Variants in DLGAP2 observed in about 807,000 individuals in gnomAD.
DLGAP2 encodes the protein disks large-associated protein 2.
A neutral mutation model predicts 100.3 loss-of-function variants in DLGAP2; 26 were observed. That is an observed-to-expected ratio of 0.26 (90% CI 0.19 to 0.36). The LOEUF is 0.36. Ranked by LOEUF, DLGAP2 falls within the 10% of genes least tolerant of loss-of-function variation. The pLI, the probability that DLGAP2 is intolerant of heterozygous loss-of-function variation, is 1.00. For missense variants in DLGAP2, 1,858 were observed against 1,453.2 expected (o/e 1.28, Z -4.53); for synonymous variants, 886 against 630.1 (o/e 1.41, Z -6.08).
At chr8:1,086,729 G>A (rs113023241) in intron 2 of DLGAP2, among the ~76,000 whole-genome samples, 15 of 152,072 alleles carry the variant, frequency 9.9e-5, no homozygotes, top group Non-Finnish European at 1.8e-4. Context: ...ATATATGTGC[G>A]CCCAACAATG....
intron 3 of DLGAP2, among the ~76,000 whole-genome samples, chr8:1,337,254 T>C (rs1337306890): frequency 1.7e-5 from 2 of 117,826 alleles, no homozygotes; most frequent in Admixed American, 1.7e-4. Context: ...ATGGTGATGA[T>C]GGTGGTGATG....
At chr8:1,301,379 C>T (rs551778303) in intron 3 of DLGAP2, 4 of 152,336 alleles carry the variant, frequency 2.6e-5, no homozygotes, top group African/African-American at 9.6e-5. Context: ...CTCATCTCTG[C>T]TGCAAGTTCT....
chr8:1,408,172 A>T (rs1170357098), intron 3 of DLGAP2, among the ~76,000 whole-genome samples: 1 of 152,180 alleles, frequency 6.6e-6, no homozygotes, highest in East Asian at 1.9e-4. Context: ...TCCAGCTAGC[A>T]TTTTATTCCC....
At position 1,185,099 on chromosome 8, in the gene DLGAP2, G is replaced by A. The variant is rs895432846; in HGVS notation, c.74-73752G>A. Among the ~76,000 whole-genome samples the A allele has an allele frequency of 2.0e-5, 3 of 152,116 alleles. No homozygotes were observed. The East Asian group carries it at 5.8e-4, about 29-fold the overall frequency. On this transcript the variant is annotated intron_variant, in intron 2 of 14. Coordinates refer to ENST00000637795, the MANE Select transcript of DLGAP2 (RefSeq NM_001346810.2). ...GTTCTGCGTCTTGCGGCCTCTCTTGGGGTGTTGGGGCAGAGGAGCACCCTG... is the reference window on the plus strand; with the variant it reads ...GTTCTGCGTCTTGCGGCCTCTCTTGAGGTGTTGGGGCAGAGGAGCACCCTG...
intron 3 of DLGAP2, among the ~76,000 whole-genome samples, chr8:1,417,024 C>T (rs1013605984): frequency 4.2e-5 from 5 of 119,122 alleles, no homozygotes; most frequent in African/African-American, 1.0e-4. Flanking sequence ...CTCCTCCGAG[C>T]AGCCGTCAGC....
At chr8:1,371,403 C>T (rs1396937133) in intron 3 of DLGAP2, among the ~76,000 whole-genome samples, 3 of 152,286 alleles carry the variant, frequency 2.0e-5, no homozygotes, top group Middle Eastern at 3.4e-3. Context: ...AGAAGTCAGG[C>T]GTGGTTCCTG....
At position 1,603,732 on chromosome 8, in the gene DLGAP2, G is replaced by A. The variant is rs559547920; in HGVS notation, c.1443-23008G>A. 9.0e-4 allele frequency among the ~76,000 whole-genome samples: 137 copies of A among 152,230 alleles called. 2 individuals carry two copies. The highest frequency in any genetic ancestry group is 3.2e-3 in the African/African-American group (133 of 41,550). ...GCTCAGCATCCAGCTCATAGTAGTT[G>A]GAACAGTCAGTATTTCTGTCTCAGG... On this transcript the variant is annotated intron_variant, in intron 6 of 14. Coordinates refer to ENST00000637795, the MANE Select transcript of DLGAP2 (RefSeq NM_001346810.2).
chr8:1,202,109 G>A (rs1012376433), intron 2 of DLGAP2, among the ~76,000 whole-genome samples: 13 of 151,868 alleles, frequency 8.6e-5, no homozygotes, highest in African/African-American at 2.7e-4. Context: ...CATGTGTACA[G>A]CATCTGTGTA....
At chr8:1,039,614 AGCTCG>A (rs1802250081) in intron 2 of DLGAP2, among the ~76,000 whole-genome samples, 1 of 50,516 alleles carries the variant, frequency 2.0e-5, no homozygotes. Context: ...GTGCGTGGTC[AGCTCG>A]GTGTGCGTGG....
At chr8:1,028,784 TA>T (rs1300424805) in intron 2 of DLGAP2, among the ~76,000 whole-genome samples, 1 of 152,212 alleles carries the variant, frequency 6.6e-6, no homozygotes, top group Non-Finnish European at 1.5e-5. Flanking sequence ...TGGGATTTTT[TA>T]AAGCTGGAAG....
chr8:1,390,538 G>A (rs1266704295), intron 3 of DLGAP2, among the ~76,000 whole-genome samples: 1 of 152,102 alleles, frequency 6.6e-6, no homozygotes, highest in African/African-American at 2.4e-5. Context: ...ATGACAATCT[G>A]TCGAGCTGTG....
At chr8:1,389,056 G>A (rs980525926) in intron 3 of DLGAP2, among the ~76,000 whole-genome samples, 2 of 149,692 alleles carry the variant, frequency 1.3e-5, no homozygotes, top group South Asian at 4.3e-4. Context: ...AGGGCTGTGA[G>A]AGCAGAGGCC....
At position 885,686 on chromosome 8, in the gene DLGAP2, C is replaced by T. The variant is rs190848263; in HGVS notation, c.19-22226C>T. Among the ~76,000 whole-genome samples the T allele has an allele frequency of 2.6e-5, 4 of 152,274 alleles. No individual in the cohort carries two copies. The East Asian group carries it at 7.7e-4, about 29-fold the overall frequency. Reference sequence around the variant, plus strand: ...GAATAAGAGTGATGAGAGAGGGCCTCCTCGTCTTGTGCTGGTTTTCAGATG... The same window carrying T: ...GAATAAGAGTGATGAGAGAGGGCCTTCTCGTCTTGTGCTGGTTTTCAGATG... On this transcript the variant is annotated intron_variant, in intron 1 of 14. Coordinates refer to ENST00000637795, the MANE Select transcript of DLGAP2 (RefSeq NM_001346810.2).
At chr8:808,599 C>T (rs144555246) in intron 1 of DLGAP2, among the ~76,000 whole-genome samples, 1 of 152,278 alleles carries the variant, frequency 6.6e-6, no homozygotes, top group East Asian at 1.9e-4. Flanking sequence ...TGTGTTTGGG[C>T]ACCCAGGGCG....
intron 3 of DLGAP2, among the ~76,000 whole-genome samples, chr8:1,424,122 G>A (rs1032495275): frequency 1.3e-5 from 2 of 152,220 alleles, no homozygotes; most frequent in African/African-American, 2.4e-5. Context: ...AACTAAAGCG[G>A]GCTCCACATG....
At position 737,649 on chromosome 8, in the gene DLGAP2, C is replaced by A; in HGVS notation, c.-159C>A. The A allele has an allele frequency of 2.8e-6, 1 of 353,282 alleles. No individual in the cohort carries two copies. Among genetic ancestry groups the A allele is most frequent in the Admixed American group, 4.7e-5 (1 of 21,116 alleles). 21.9% of individuals were successfully genotyped at this position (353,282 alleles called of 1,614,324 possible). On this transcript the variant is annotated 5_prime_UTR_variant, in exon 1 of 15. Coordinates refer to ENST00000637795, the MANE Select transcript of DLGAP2 (RefSeq NM_001346810.2). ...GTGAAGACCGACCGTGCGCCGGGCT[C>A]GAGCGCGGTCTGAGCGCGCGGCGCC...
At chr8:1,431,788 G>C (rs914799556) in intron 3 of DLGAP2, among the ~76,000 whole-genome samples, 1 of 152,222 alleles carries the variant, frequency 6.6e-6, no homozygotes, top group African/African-American at 2.4e-5. Flanking sequence ...GTAAAATGAA[G>C]ACACTGATGC....
At position 1,702,119 on chromosome 8, in the gene DLGAP2, C is replaced by G. The variant is rs899403513; in HGVS notation, c.*713C>G. The G allele has an allele frequency of 6.6e-6, 1 of 152,228 alleles. No homozygotes were observed. The highest frequency in any genetic ancestry group is 1.5e-5 in the Non-Finnish European group (1 of 68,056). 9.4% of individuals were successfully genotyped at this position (152,228 alleles called of 1,614,324 possible). A position where few individuals can be genotyped will look rare whatever the true frequency, so the allele number is the denominator to read the frequency against. On this transcript the variant is annotated 3_prime_UTR_variant, in exon 15 of 15. Transcript: ENST00000637795. Reference sequence around the variant, plus strand: ...AGCATCTACACATTCAAAAGATAAGCTGAGTGTTCCCACCAGGAAGTCACG... The same window carrying G: ...AGCATCTACACATTCAAAAGATAAGGTGAGTGTTCCCACCAGGAAGTCACG...
intron 3 of DLGAP2, among the ~76,000 whole-genome samples, chr8:1,420,123 G>C (rs1257189224): frequency 6.6e-6 from 1 of 152,138 alleles, no homozygotes; most frequent in East Asian, 1.9e-4. Flanking sequence ...TCTGGGGTCG[G>C]GAGGGGCTGG....
Sources: gnomAD v4.1 joint callset for allele counts (sites outside exome capture counted in the v4.1 genomes callset) on GRCh38, gnomAD v4.1.1 for gene constraint, MANE v1.5 for transcripts, NCBI Gene and HGNC (gene_info 2026-07-23, HGNC 2026-07-21) for gene names.